Variants in SLC25A26 observed in about 807,000 individuals in gnomAD.
The protein encoded by SLC25A26 is solute carrier family 25 member 26, also known as mitochondrial S-adenosylmethionine carrier protein.
Under a neutral mutation model 37.8 loss-of-function variants are expected in SLC25A26, and 36 were observed. That is an observed-to-expected ratio of 0.95 (90% CI 0.73 to 1.26). The LOEUF is 1.26. SLC25A26 is among the 50% of genes most tolerant of loss of function. The probability of loss-of-function intolerance (pLI) is 0.00; values close to 1 mark genes in which losing one functional copy is unlikely to be tolerated. For synonymous variants in SLC25A26, 129 were observed against 122.5 expected (o/e 1.05, Z -0.35); for missense variants, 390 against 331.1 (o/e 1.18, Z -1.38).
At chr3:66,196,711 A>AT (rs2071048800) in intron 1 of SLC25A26, among the ~76,000 whole-genome samples, 1 of 152,004 alleles carries the variant, frequency 6.6e-6, no homozygotes, top group African/African-American at 2.4e-5. Flanking sequence ...ACTTTAAAAA[A>AT]ACTAATAAGA....
At chr3:66,235,110 T>C (rs1223824221) in intron 1 of SLC25A26, among the ~76,000 whole-genome samples, 1 of 152,210 alleles carries the variant, frequency 6.6e-6, no homozygotes, top group African/African-American at 2.4e-5. Flanking sequence ...ATTGACATTT[T>C]TGAGACCCAC....
rs1162101671 is a variant in SLC25A26, at chr3:66,242,854, C to T, written c.191-349C>T. The stretch of plus-strand genomic sequence containing the variant: ...TCAATGTAGTTGATTGTTTTATGGC[C>T]ATCCATAATGATATTTTGGATCACA... On this transcript the variant is annotated intron_variant, in intron 2 of 9. Coordinates refer to ENST00000354883, the MANE Select transcript of SLC25A26 (RefSeq NM_001379210.1). Among the ~76,000 whole-genome samples the T allele has an allele frequency of 2.0e-5, 3 of 152,262 alleles. No homozygotes were observed. In the East Asian group the frequency reaches 5.8e-4, roughly 29 times the overall value.
At chr3:66,155,462 A>C (rs1267830631) in intron 1 of SLC25A26, among the ~76,000 whole-genome samples, 4 of 152,192 alleles carry the variant, frequency 2.6e-5, no homozygotes, top group East Asian at 1.9e-4. Context: ...ACAGTGAGCC[A>C]CTGTGATTGT....
intron 5 of SLC25A26, among the ~76,000 whole-genome samples, chr3:66,303,516 T>C (rs2075133074): frequency 6.6e-6 from 1 of 152,198 alleles, no homozygotes; most frequent in African/African-American, 2.4e-5. Flanking sequence ...GAAAATATTG[T>C]AGGACTTCTG....
intron 5 of SLC25A26, among the ~76,000 whole-genome samples, chr3:66,334,799 A>G (rs1259547109): frequency 2.0e-5 from 3 of 152,152 alleles, no homozygotes; most frequent in African/African-American, 7.2e-5. Flanking sequence ...CTAACATGTA[A>G]TGTGACTGGG....
At chr3:66,209,540 T>C (rs956993755) in intron 1 of SLC25A26, among the ~76,000 whole-genome samples, 3 of 142,322 alleles carry the variant, frequency 2.1e-5, no homozygotes, top group Admixed American at 7.2e-5. Context: ...TATCAAAATA[T>C]AGAAGGTATA....
chr3:66,211,349 C>G (rs1156307047), intron 1 of SLC25A26, among the ~76,000 whole-genome samples: 1 of 152,242 alleles, frequency 6.6e-6, no homozygotes, highest in African/African-American at 2.4e-5. Context: ...TGCCCTGAAG[C>G]TCTTTGGAAG....
At chr3:66,306,989 T>G (rs193065256) in intron 5 of SLC25A26, among the ~76,000 whole-genome samples, 30 of 152,340 alleles carry the variant, frequency 2.0e-4, no homozygotes, top group Non-Finnish European at 3.8e-4. Context: ...GCCTTTATAG[T>G]AGAATGATTT....
At chr3:66,193,566 A>G (rs2070986421) in intron 1 of SLC25A26, among the ~76,000 whole-genome samples, 1 of 152,168 alleles carries the variant, frequency 6.6e-6, no homozygotes, top group Admixed American at 6.5e-5. Context: ...ACAAATAAAT[A>G]AATAAGCAAT....
chr3:66,155,906 T>C (rs1408086216), intron 1 of SLC25A26, among the ~76,000 whole-genome samples: 1 of 152,138 alleles, frequency 6.6e-6, no homozygotes, highest in Non-Finnish European at 1.5e-5. Context: ...ACCAGACCAC[T>C]CCACTCTCTC....
intron 1 of SLC25A26, among the ~76,000 whole-genome samples, chr3:66,212,350 A>G (rs2071295691): frequency 6.6e-6 from 1 of 152,018 alleles, no homozygotes; most frequent in Non-Finnish European, 1.5e-5. Context: ...TCCTGGCTTG[A>G]AGTAGTCCTC....
In SLC25A26 at chr3:66,204,946, G is replaced by A. The variant is rs948665181; in HGVS notation, c.-353-15796G>A. Among the ~76,000 whole-genome samples the A allele has an allele frequency of 1.6e-3, 244 of 152,242 alleles. 1 individual carries two copies. The highest frequency in any genetic ancestry group is 5.5e-3 in the African/African-American group (230 of 41,544). ...GGTAGGGAAGGGTATTGACTGGGAG[G>A]GCTAATGGGGCTCTGAGATGGAAAC... On this transcript the variant is annotated intron_variant, in intron 1 of 10. Coordinates refer to the SLC25A26 transcript ENST00000676754.
At chr3:66,150,973 A>T (rs928992646) in intron 1 of SLC25A26, among the ~76,000 whole-genome samples, 3 of 151,924 alleles carry the variant, frequency 2.0e-5, no homozygotes, top group African/African-American at 7.3e-5. Context: ...GCAGGTGCCT[A>T]GCACTGTGCT....
At chr3:66,253,680 T>A (rs2073185349) in intron 3 of SLC25A26, among the ~76,000 whole-genome samples, 1 of 152,142 alleles carries the variant, frequency 6.6e-6, no homozygotes. Flanking sequence ...AATTCATACC[T>A]TCAGAATTAT....
chr3:66,209,008 GTATA>G (rs1161070197), intron 1 of SLC25A26, among the ~76,000 whole-genome samples: 2 of 63,262 alleles, frequency 3.2e-5, no homozygotes, highest in Non-Finnish European at 5.6e-5. Context: ...CCATATAAAG[GTATA>G]TATATATATA....
chr3:66,281,679 T>A (rs2074342947), intron 5 of SLC25A26, among the ~76,000 whole-genome samples: 1 of 152,174 alleles, frequency 6.6e-6, no homozygotes, highest in Non-Finnish European at 1.5e-5. Flanking sequence ...ATCACCACCA[T>A]AGTCATGGAT....
At chr3:66,319,223 A>G (rs960266985) in intron 5 of SLC25A26, among the ~76,000 whole-genome samples, 1 of 151,546 alleles carries the variant, frequency 6.6e-6, no homozygotes, top group Non-Finnish European at 1.5e-5. Flanking sequence ...CATTTCCTGT[A>G]TATTAGGAGC....
intron 5 of SLC25A26, chr3:66,324,252 G>A (rs1271090433): frequency 1.3e-5 from 2 of 151,942 alleles, no homozygotes; most frequent in Admixed American, 1.3e-4. Flanking sequence ...GGGGGCTAGG[G>A]AATGGGGAAT....
chr3:66,201,133 G>C (rs2071103055), intron 1 of SLC25A26, among the ~76,000 whole-genome samples: 1 of 151,888 alleles, frequency 6.6e-6, no homozygotes, highest in Non-Finnish European at 1.5e-5. Context: ...CCTTACCAGG[G>C]GAAATGAGAC....
Sources: allele counts gnomAD v4.1 joint callset (sites outside exome capture counted in the v4.1 genomes callset), GRCh38; gene constraint gnomAD v4.1.1; transcripts MANE v1.5; gene names NCBI Gene and HGNC (gene_info 2026-07-23, HGNC 2026-07-21).